PDCD10: variants seen among roughly 807,000 people sequenced by gnomAD.
The protein encoded by PDCD10 is programmed cell death 10.
PDCD10 carries 4 observed loss-of-function variants against 29.2 expected under a neutral mutation model. That is an observed-to-expected ratio of 0.14 (90% CI 0.07 to 0.31). The LOEUF is 0.31. Ranked by LOEUF, PDCD10 falls within the 10% of genes least tolerant of loss-of-function variation. PDCD10 has a pLI of 1.00. For missense variants in PDCD10, 183 were observed against 257.9 expected (o/e 0.71, Z 1.99); for synonymous variants, 70 against 82.2 (o/e 0.85, Z 0.80).
At chr3:167,707,311 T>C (rs139298740) in intron 3 of PDCD10, among the ~76,000 whole-genome samples, 13 of 152,306 alleles carry the variant, frequency 8.5e-5, no homozygotes, top group Non-Finnish European at 1.8e-4. Context: ...TTCCACTTTG[T>C]TTTCAGTCTC....
At chr3:167,708,047 T>C (rs1179163806) in intron 3 of PDCD10, among the ~76,000 whole-genome samples, 2 of 152,172 alleles carry the variant, frequency 1.3e-5, no homozygotes, top group East Asian at 3.9e-4. Context: ...GCCTACTGTT[T>C]TGTGAACTCC....
intron 4 of PDCD10, 152 bp from the exon 5 acceptor site, chr3:167,697,278 A>C: frequency 1.6e-6 from 1 of 609,474 alleles, no homozygotes; most frequent in South Asian, 1.9e-5. Flanking sequence ...GATAGCATTC[A>C]CTAAGGCTTT....
Position 167,720,231 on chromosome 3 carries a change from C to CT in PDCD10, c.-75dup. 4 of 981,708 alleles carry CT rather than the reference C, an allele frequency of 4.1e-6. No homozygotes were observed. The highest frequency in any genetic ancestry group is 2.4e-5 in the East Asian group (1 of 41,126). The allele number at this position is 981,708 out of a possible 1,614,324, so 60.8% of individuals were successfully genotyped here. On this transcript the variant is annotated 5_prime_UTR_variant, in exon 3 of 9. Coordinates refer to ENST00000392750, the MANE Select transcript of PDCD10 (RefSeq NM_007217.4). ...CTTCATTCACTGCAATATTTCTTCT[C>CT]TTTTTTGGTGATAAAAGAATTGGAC...
intron 3 of PDCD10, among the ~76,000 whole-genome samples, chr3:167,708,630 A>G (rs1722234545): frequency 6.6e-6 from 1 of 152,240 alleles, no homozygotes; most frequent in Admixed American, 6.5e-5. Flanking sequence ...CTAGAAAGAC[A>G]GAAGTAATGG....
chr3:167,705,014 A>G, intron 3 of PDCD10, 119 bp from the exon 4 acceptor site: 5 of 646,160 alleles, frequency 7.7e-6, no homozygotes, highest in Non-Finnish European at 1.4e-5. Context: ...CATTCTTGTT[A>G]ACAATTGTAC....
At chr3:167,713,560 AAAG>A (rs1331327372) in intron 3 of PDCD10, among the ~76,000 whole-genome samples, 1 of 151,988 alleles carries the variant, frequency 6.6e-6, no homozygotes, top group African/African-American at 2.4e-5. Flanking sequence ...AAGAAATAAT[AAAG>A]ATCAGAGATA....
chr3:167,693,128 AAG>A (rs1343749592), intron 6 of PDCD10, among the ~76,000 whole-genome samples: 2 of 152,222 alleles, frequency 1.3e-5, no homozygotes, highest in African/African-American at 2.4e-5. Context: ...TGTGACTCAA[AAG>A]AGAGTATCCA....
chr3:167,731,228 G>A (rs1266356663), intron 2 of PDCD10, among the ~76,000 whole-genome samples: 1 of 152,156 alleles, frequency 6.6e-6, no homozygotes, highest in Admixed American at 6.5e-5. Context: ...TAGGGAAGAA[G>A]AGTCCATTAG....
chr3:167,716,984 G>C (rs1723091637), intron 3 of PDCD10, among the ~76,000 whole-genome samples: 1 of 151,886 alleles, frequency 6.6e-6, no homozygotes, highest in African/African-American at 2.4e-5. Flanking sequence ...CAAAGTAATA[G>C]TTATGTGAGA....
At chr3:167,707,878 A>G (rs1479185251) in intron 3 of PDCD10, among the ~76,000 whole-genome samples, 2 of 152,140 alleles carry the variant, frequency 1.3e-5, no homozygotes, top group Non-Finnish European at 2.9e-5. Flanking sequence ...GTAACCAGTA[A>G]AAGAGTAAGA....
chr3:167,725,364 G>A (rs879394229), intron 2 of PDCD10: 5 of 151,952 alleles, frequency 3.3e-5, no homozygotes, highest in Middle Eastern at 3.4e-3. Flanking sequence ...TTAACAAAGC[G>A]GGGTGGGGTT....
At chr3:167,701,505 T>C (rs76736918) in intron 4 of PDCD10, among the ~76,000 whole-genome samples, 9,618 of 152,254 alleles carry the variant, frequency 0.063, 417 homozygotes, top group Non-Finnish European at 0.1. Flanking sequence ...TTTATTATTA[T>C]TGTTGTTCAA....
rs1037145367 is a variant in PDCD10, at chr3:167,683,361, C to T, written c.*947G>A. Reference sequence around the variant, plus strand: ...AACCACTTAACATGAACACTTGATACATAATTTCCTTAAAACTTCTCTATG... The same window carrying T: ...AACCACTTAACATGAACACTTGATATATAATTTCCTTAAAACTTCTCTATG... On this transcript the variant is annotated 3_prime_UTR_variant, in exon 9 of 9. Coordinates refer to ENST00000392750, the MANE Select transcript of PDCD10 (RefSeq NM_007217.4). 19 of 151,926 alleles carry T rather than the reference C, an allele frequency of 1.3e-4. No homozygotes were observed. Among genetic ancestry groups the T allele is most frequent in the Admixed American group, 3.9e-4 (6 of 15,262 alleles). 9.4% of individuals were successfully genotyped at this position (151,926 alleles called of 1,614,324 possible). A position where few individuals can be genotyped will look rare whatever the true frequency, so the allele number is the denominator to read the frequency against.
At position 167,702,523 on chromosome 3, in the gene PDCD10, A is replaced by G. The variant is rs368542470; in HGVS notation, c.150+2319T>C. ...AGTAGTTAAGATTTGTGGAAGTCAA[A>G]ACTTATACTCAAATCTTCAACTCTG... On this transcript the variant is annotated intron_variant, in intron 4 of 8. Transcript: ENST00000392750. 6.5e-4 allele frequency among the ~76,000 whole-genome samples: 99 copies of G among 152,256 alleles called. 2 individuals are homozygous for G. The East Asian group carries it at 0.015, about 24-fold the overall frequency.
intron 5 of PDCD10, among the ~76,000 whole-genome samples, chr3:167,695,965 A>ACGTC (rs1354652942): frequency 8.7e-5 from 13 of 149,130 alleles, no homozygotes; most frequent in Non-Finnish European, 1.8e-4. Context: ...GGACAAAAGG[A>ACGTC]CATCCCATGA....
intron 5 of PDCD10, 145 bp downstream of exon 5, chr3:167,696,864 T>TCAC (rs1370429058): frequency 8.6e-6 from 6 of 699,302 alleles, no homozygotes; most frequent in African/African-American, 7.1e-5. Context: ...ACTATCACTA[T>TCAC]CACCACCACC....
chr3:167,706,779 C>G (rs755975143), intron 3 of PDCD10, among the ~76,000 whole-genome samples: 16 of 152,166 alleles, frequency 1.1e-4, no homozygotes, highest in Non-Finnish European at 1.9e-4. Context: ...CAGGACAGTA[C>G]CAGGCATATA....
chr3:167,707,854 C>T (rs754765973), intron 3 of PDCD10, among the ~76,000 whole-genome samples: 19 of 152,092 alleles, frequency 1.2e-4, no homozygotes, highest in African/African-American at 4.3e-4. Flanking sequence ...GCCTCAGTTA[C>T]ACAGTATGTC....
In PDCD10 at chr3:167,683,662, C is replaced by T. The variant is rs767487003; in HGVS notation, c.*646G>A. ...AAGTCGTTTAAAACAGGTTGGAAAT[C>T]ATATAAAAATACTCAGTACCTTATA... On this transcript the variant is annotated 3_prime_UTR_variant, in exon 9 of 9. Coordinates refer to ENST00000392750, the MANE Select transcript of PDCD10 (RefSeq NM_007217.4). 4.0e-5 allele frequency: 6 copies of T among 151,890 alleles called. No homozygotes were observed. The South Asian group carries it at 8.3e-4, about 21-fold the overall frequency. The allele number at this position is 151,890 out of a possible 1,614,324, so 9.4% of individuals were successfully genotyped here. A position where few individuals can be genotyped will look rare whatever the true frequency, so the allele number is the denominator to read the frequency against.
Sources: allele counts gnomAD v4.1 joint callset (sites outside exome capture counted in the v4.1 genomes callset), GRCh38; gene constraint gnomAD v4.1.1; transcripts MANE v1.5; gene names NCBI Gene and HGNC (gene_info 2026-07-23, HGNC 2026-07-21).